The following CSMD1 variants were observed in gnomAD, a reference collection of about 807,000 sequenced individuals.
CSMD1 encodes CUB and sushi domain-containing protein 1.
Under a neutral mutation model 417.5 loss-of-function variants are expected in CSMD1, and 213 were observed. The observed-to-expected ratio is 0.51, with a 90% CI of 0.46 to 0.57. The LOEUF is 0.57. Ranked by LOEUF, CSMD1 falls within the 20% of genes least tolerant of loss-of-function variation. CSMD1 has a pLI of 0.00. For missense variants in CSMD1, 6,923 were observed against 4,529.7 expected (o/e 1.53, Z -15.17); for synonymous variants, 2,862 against 1,736.8 (o/e 1.65, Z -16.11).
At chr8:4,022,125 T>TAC (rs1444781629) in intron 4 of CSMD1, among the ~76,000 whole-genome samples, 1 of 147,170 alleles carries the variant, frequency 6.8e-6, no homozygotes. Context: ...ATAGAATATA[T>TAC]ATATATACAT....
intron 6 of CSMD1, among the ~76,000 whole-genome samples, chr8:3,752,860 T>G (rs1174381606): frequency 6.6e-6 from 1 of 152,100 alleles, no homozygotes; most frequent in Non-Finnish European, 1.5e-5. Flanking sequence ...TGACCCTTGT[T>G]TCTCTACTGG....
chr8:3,275,318 C>T (rs1197477081), intron 26 of CSMD1, among the ~76,000 whole-genome samples: 2 of 152,126 alleles, frequency 1.3e-5, no homozygotes, highest in Admixed American at 6.5e-5. Context: ...TGATGGGCTT[C>T]CCTTTGAGGG....
At chr8:3,980,998 C>G (rs1298240630) in intron 5 of CSMD1, among the ~76,000 whole-genome samples, 1 of 152,172 alleles carries the variant, frequency 6.6e-6, no homozygotes, top group Non-Finnish European at 1.5e-5. Context: ...GTACCCACAC[C>G]CAGAGGTTCT....
chr8:3,660,230 G>A (rs17325726), intron 7 of CSMD1, among the ~76,000 whole-genome samples: 4,610 of 152,210 alleles, frequency 0.03, 77 homozygotes, highest in Middle Eastern at 0.092. Flanking sequence ...TGAAGCCTCT[G>A]CTATTTACTG....
intron 2 of CSMD1, among the ~76,000 whole-genome samples, chr8:4,586,444 C>G (rs1799704204): frequency 6.6e-6 from 1 of 152,168 alleles, no homozygotes; most frequent in Admixed American, 6.5e-5. Flanking sequence ...GCTCATGTTT[C>G]AAATTCATAA....
At chr8:4,060,611 C>A (rs573902320) in intron 3 of CSMD1, among the ~76,000 whole-genome samples, 1 of 152,124 alleles carries the variant, frequency 6.6e-6, no homozygotes, top group South Asian at 2.1e-4. Context: ...CTGTCCCAGC[C>A]ACCTTAGCGA....
At chr8:4,086,765 T>A (rs1800443223) in intron 3 of CSMD1, among the ~76,000 whole-genome samples, 1 of 152,202 alleles carries the variant, frequency 6.6e-6, no homozygotes, top group African/African-American at 2.4e-5. Flanking sequence ...AATTCTTACA[T>A]CTTTTTCAAC....
intron 5 of CSMD1, among the ~76,000 whole-genome samples, chr8:3,789,832 C>T (rs1485723254): frequency 6.7e-6 from 1 of 150,206 alleles, no homozygotes; most frequent in East Asian, 2.0e-4. Flanking sequence ...CCGGGGGTTG[C>T]ACCATTCTCC....
At chr8:4,110,829 A>C (rs1359072032) in intron 3 of CSMD1, among the ~76,000 whole-genome samples, 1 of 152,058 alleles carries the variant, frequency 6.6e-6, no homozygotes, top group African/African-American at 2.4e-5. Context: ...TTCTATTTCT[A>C]CTTTTTTTAA....
chr8:4,519,122 T>C (rs373849974), intron 2 of CSMD1, among the ~76,000 whole-genome samples: 1 of 152,192 alleles, frequency 6.6e-6, no homozygotes, highest in Non-Finnish European at 1.5e-5. Flanking sequence ...TTTGCGACGC[T>C]AATAGTATTT....
chr8:2,953,167 C>G (rs1802751632), intron 65 of CSMD1, among the ~76,000 whole-genome samples: 1 of 152,042 alleles, frequency 6.6e-6, no homozygotes, highest in South Asian at 2.1e-4. Flanking sequence ...CATTGAAGAA[C>G]ATGTTGCCTG....
chr8:3,607,394 G>A (rs966411848), intron 8 of CSMD1, among the ~76,000 whole-genome samples: 1 of 152,108 alleles, frequency 6.6e-6, no homozygotes, highest in African/African-American at 2.4e-5. Flanking sequence ...ATAAGCAGAC[G>A]GAGTATACTC....
intron 1 of CSMD1, among the ~76,000 whole-genome samples, chr8:4,683,866 A>G (rs1806198152): frequency 6.6e-6 from 1 of 152,260 alleles, no homozygotes; most frequent in Non-Finnish European, 1.5e-5. Context: ...GTTCATTTGG[A>G]TCACTAATTG....
intron 5 of CSMD1, among the ~76,000 whole-genome samples, chr8:3,943,696 A>T (rs1811045245): frequency 6.6e-6 from 1 of 152,180 alleles, no homozygotes; most frequent in Non-Finnish European, 1.5e-5. Context: ...CTGAAGACAC[A>T]ATGCCAATTC....
intron 3 of CSMD1, among the ~76,000 whole-genome samples, chr8:4,402,930 C>A (rs988644355): frequency 6.7e-6 from 1 of 149,352 alleles, no homozygotes; most frequent in East Asian, 2.0e-4. Flanking sequence ...TGCCATTCTC[C>A]TGTCTTAGCC....
chr8:3,611,056 G>C lies in CSMD1; in HGVS notation c.1097+5654C>G, dbSNP rs183388970. ...ATGAGAACACATGGACACAGGAAGG[G>C]GAACATCACACTCTGCGAACTGTTG... On this transcript the variant is annotated intron_variant, in intron 8 of 69. Transcript: ENST00000635120. 7.9e-3 allele frequency among the ~76,000 whole-genome samples: 1,014 copies of C among 128,322 alleles called. 12 individuals are homozygous for C. The highest frequency in any genetic ancestry group is 0.029 in the African/African-American group (981 of 33,908). 84.2% of individuals were successfully genotyped at this position (128,322 alleles called of 152,430 possible).
At chr8:4,887,377 TGACGTAA>T (rs1463648462) in intron 1 of CSMD1, among the ~76,000 whole-genome samples, 20 of 152,210 alleles carry the variant, frequency 1.3e-4, no homozygotes, top group African/African-American at 4.8e-4. Context: ...GCTTATTTTA[TGACGTAA>T]ATACAGTTAT....
chr8:4,511,188 T>A (rs1802800161), intron 2 of CSMD1, among the ~76,000 whole-genome samples: 1 of 152,140 alleles, frequency 6.6e-6, no homozygotes, highest in African/African-American at 2.4e-5. Context: ...CCTGCAATAG[T>A]CATCAGTCCA....
chr8:4,054,166 C>T (rs1191816472), intron 3 of CSMD1, among the ~76,000 whole-genome samples: 1 of 152,120 alleles, frequency 6.6e-6, no homozygotes, highest in East Asian at 1.9e-4. Context: ...TCATTACCAC[C>T]ATCAAGATTT....
Sources: gnomAD v4.1 joint callset for allele counts (sites outside exome capture counted in the v4.1 genomes callset) on GRCh38, gnomAD v4.1.1 for gene constraint, MANE v1.5 for transcripts, NCBI Gene and HGNC (gene_info 2026-07-23, HGNC 2026-07-21) for gene names.